Variants in WWOX observed in about 807,000 individuals in gnomAD.
WWOX encodes the protein WW domain containing oxidoreductase, also known as WW domain-containing oxidoreductase.
WWOX carries 69 observed loss-of-function variants against 46.2 expected under a neutral mutation model. The ratio of observed to expected loss-of-function variants is 1.49; its 90% CI spans 1.23 to 1.82. WWOX has a LOEUF of 1.82. WWOX is among the 40% of genes most tolerant of loss of function. The probability of loss-of-function intolerance (pLI) is 0.00; values close to 1 mark genes in which losing one functional copy is unlikely to be tolerated. For missense variants in WWOX, 919 were observed against 542.6 expected, an observed-to-expected ratio of 1.69 and a Z score of -6.89; for synonymous variants, 359 against 202.6, an observed-to-expected ratio of 1.77 and a Z score of -6.56.
intron 8 of WWOX, among the ~76,000 whole-genome samples, chr16:78,910,416 T>C (rs1185115790): frequency 5.3e-5 from 8 of 152,000 alleles, no homozygotes; most frequent in African/African-American, 1.4e-4. Flanking sequence ...CACCGTGTTA[T>C]GGGGGTTGTT....
At chr16:78,546,969 A>T (rs978283427) in intron 8 of WWOX, among the ~76,000 whole-genome samples, 11 of 151,852 alleles carry the variant, frequency 7.2e-5, no homozygotes, top group Non-Finnish European at 1.3e-4. Context: ...TCTACAAAAA[A>T]TAGAAAAAAT....
intron 8 of WWOX, among the ~76,000 whole-genome samples, chr16:78,655,299 G>C (rs2047055827): frequency 6.6e-6 from 1 of 152,144 alleles, no homozygotes; most frequent in African/African-American, 2.4e-5. Context: ...AGAGACAACA[G>C]CTTACAAAAT....
chr16:78,803,047 G>A (rs1164871101), intron 8 of WWOX, among the ~76,000 whole-genome samples: 1 of 151,034 alleles, frequency 6.6e-6, no homozygotes, highest in Non-Finnish European at 1.5e-5. Flanking sequence ...GCCAGTAGGT[G>A]CAAGAGTATC....
At chr16:78,986,551 AG>A (rs2046788469) in intron 8 of WWOX, among the ~76,000 whole-genome samples, 1 of 152,328 alleles carries the variant, frequency 6.6e-6, no homozygotes, top group Admixed American at 6.5e-5. Flanking sequence ...AGGATAAATA[AG>A]AACAAGAATG....
intron 8 of WWOX, among the ~76,000 whole-genome samples, chr16:78,876,390 T>G (rs916365003): frequency 3.9e-5 from 6 of 152,054 alleles, no homozygotes; most frequent in Non-Finnish European, 5.9e-5. Flanking sequence ...AAAGGATGAA[T>G]TTTCCAAGAC....
At chr16:78,457,337 C>T (rs537275129) in intron 8 of WWOX, among the ~76,000 whole-genome samples, 2 of 152,302 alleles carry the variant, frequency 1.3e-5, no homozygotes, top group East Asian at 3.9e-4. Context: ...AGATTTGCTA[C>T]TTGTTCTCTT....
In WWOX at chr16:78,815,328, A is replaced by G. The variant is rs560941480; in HGVS notation, c.1056+382576A>G. ...TGAGAGAATGAAACTCTGTCTCGAG[A>G]AAAAAAAAAAAAAAGAAGGTTTCAT... On this transcript the variant is annotated intron_variant, in intron 8 of 8. Coordinates refer to ENST00000566780, the MANE Select transcript of WWOX (RefSeq NM_016373.4). 2.1e-5 allele frequency among the ~76,000 whole-genome samples: 3 copies of G among 142,128 alleles called. No homozygotes were observed. The South Asian group carries it at 6.7e-4, about 32-fold the overall frequency. 93.2% of individuals were successfully genotyped at this position (142,128 alleles called of 152,430 possible).
intron 8 of WWOX, chr16:78,891,602 G>T (rs895643835): frequency 1.3e-5 from 2 of 152,148 alleles, no homozygotes; most frequent in Non-Finnish European, 2.9e-5. Flanking sequence ...GAATTAATGT[G>T]AGAACACCTT....
At chr16:78,426,335 G>A (rs764956658) in intron 7 of WWOX, among the ~76,000 whole-genome samples, 2 of 152,168 alleles carry the variant, frequency 1.3e-5, no homozygotes, top group African/African-American at 4.8e-5. Flanking sequence ...AGGGCACCAC[G>A]GGATATGTTT....
chr16:78,570,151 T>C (rs956642917), intron 8 of WWOX, among the ~76,000 whole-genome samples: 1 of 152,196 alleles, frequency 6.6e-6, no homozygotes, highest in Non-Finnish European at 1.5e-5. Context: ...CTTGTTTGCC[T>C]TTTTTAGAAA....
At chr16:78,853,016 G>A (rs74035124) in intron 8 of WWOX, among the ~76,000 whole-genome samples, 1,841 of 152,268 alleles carry the variant, frequency 0.012, 39 homozygotes, top group African/African-American at 0.042. Flanking sequence ...GGGTCATACA[G>A]ATAATTAGTA....
At chr16:79,165,352 C>T (rs1281151178) in intron 8 of WWOX, among the ~76,000 whole-genome samples, 3 of 152,044 alleles carry the variant, frequency 2.0e-5, no homozygotes, top group African/African-American at 7.2e-5. Context: ...AAGCAGGTGT[C>T]GTGGAAACAA....
At chr16:78,840,900 A>G (rs936379621) in intron 8 of WWOX, among the ~76,000 whole-genome samples, 1 of 152,044 alleles carries the variant, frequency 6.6e-6, no homozygotes, top group African/African-American at 2.4e-5. Context: ...AGTAGCAAAC[A>G]TCTAGACGTA....
At chr16:78,597,270 C>T (rs1037829331) in intron 8 of WWOX, among the ~76,000 whole-genome samples, 48 of 152,130 alleles carry the variant, frequency 3.2e-4, no homozygotes, top group African/African-American at 1.1e-3. Flanking sequence ...ATATATTAAT[C>T]AAGGAGTCAG....
chr16:78,260,930 C>G, intron 5 of WWOX, among the ~76,000 whole-genome samples: 1 of 132,404 alleles, frequency 7.6e-6, no homozygotes, highest in East Asian at 2.1e-4. Context: ...GAGTAAGACT[C>G]CATCTCAAAA....
At chr16:79,138,606 A>G (rs2050028610) in intron 8 of WWOX, among the ~76,000 whole-genome samples, 1 of 152,152 alleles carries the variant, frequency 6.6e-6, no homozygotes, top group South Asian at 2.1e-4. Context: ...AAGTAAGTTT[A>G]CCTGTGCCAG....
chr16:79,052,964 T>G, intron 8 of WWOX, among the ~76,000 whole-genome samples: 1 of 62,774 alleles, frequency 1.6e-5, no homozygotes, highest in Non-Finnish European at 2.9e-5. Context: ...GTTTGTGTAT[T>G]TGGGGGTTGG....
At chr16:78,894,579 GTCT>G (rs2044660573) in intron 8 of WWOX, among the ~76,000 whole-genome samples, 1 of 152,158 alleles carries the variant, frequency 6.6e-6, no homozygotes. Flanking sequence ...GGAGATGGTT[GTCT>G]TCTTTTTTAT....
chr16:78,537,649 G>A (rs1459869574), intron 8 of WWOX, among the ~76,000 whole-genome samples: 1 of 152,104 alleles, frequency 6.6e-6, no homozygotes, highest in African/African-American at 2.4e-5. Flanking sequence ...TTGTGATGTT[G>A]TTGTTGTGAC....
Sources: gnomAD v4.1 joint callset for allele counts (sites outside exome capture counted in the v4.1 genomes callset) on GRCh38, gnomAD v4.1.1 for gene constraint, MANE v1.5 for transcripts, NCBI Gene and HGNC (gene_info 2026-07-23, HGNC 2026-07-21) for gene names.